Variants in IL23R observed in about 807,000 individuals in gnomAD.
IL23R encodes the protein interleukin 23 receptor.
IL23R carries 34 observed loss-of-function variants against 56.9 expected under a neutral mutation model. The observed-to-expected ratio is 0.60, with a 90% CI of 0.45 to 0.80. IL23R has a LOEUF of 0.80. Among genes scored for constraint, IL23R ranks in the 30% least tolerant of loss-of-function variants. IL23R has a pLI of 0.00. For missense variants in IL23R, 635 were observed against 730.0 expected, an observed-to-expected ratio of 0.87 and a Z score of 1.50; for synonymous variants, 230 against 249.2, an observed-to-expected ratio of 0.92 and a Z score of 0.73.
intron 10 of IL23R, among the ~76,000 whole-genome samples, chr1:67,257,770 C>T (rs981280008): frequency 6.6e-6 from 1 of 152,184 alleles, no homozygotes; most frequent in Non-Finnish European, 1.5e-5. Flanking sequence ...GTGGCATGAT[C>T]TCAGCTCACT....
intron 8 of IL23R, 92 bp from the exon 9 acceptor site, chr1:67,240,087 C>G: frequency 3.2e-6 from 3 of 929,878 alleles, no homozygotes; most frequent in South Asian, 1.3e-5. Flanking sequence ...TCCTTTGAGA[C>G]CTTTGCTTTG....
intron 4 of IL23R, among the ~76,000 whole-genome samples, chr1:67,195,967 G>C (rs1648116484): frequency 6.6e-6 from 1 of 152,070 alleles, no homozygotes; most frequent in Non-Finnish European, 1.5e-5. Flanking sequence ...GGATATTTTG[G>C]GGCTAGAAAA....
In IL23R at chr1:67,201,573, A is replaced by C. The variant is rs565591438; in HGVS notation, c.652+676A>C. ...AGGCAAAAAAAAAAAAAACAAAAAAACACTATGATCATGATAAAGTTTGTT... is the reference window on the plus strand; with the variant it reads ...AGGCAAAAAAAAAAAAAACAAAAAACCACTATGATCATGATAAAGTTTGTT... On this transcript the variant is annotated intron_variant, in intron 5 of 10. Transcript: ENST00000347310. Among the ~76,000 whole-genome samples, 7 of 151,918 alleles carry C rather than the reference A, an allele frequency of 4.6e-5. No homozygotes were observed. In the South Asian group the frequency reaches 1.5e-3, roughly 32 times the overall value.
At chr1:67,150,150 T>TCAC (rs1646714964) in intron 1 of IL23R, among the ~76,000 whole-genome samples, 1 of 151,908 alleles carries the variant, frequency 6.6e-6, no homozygotes, top group Admixed American at 6.6e-5. Context: ...ATGCAGGTGA[T>TCAC]ACTCAAATTT....
intron 4 of IL23R, among the ~76,000 whole-genome samples, chr1:67,188,718 G>A (rs1647529395): frequency 6.6e-6 from 1 of 152,154 alleles, no homozygotes; most frequent in South Asian, 2.1e-4. Flanking sequence ...AACAGATTTT[G>A]AAGGTCTGTT....
At chr1:67,245,127 G>A (rs561746829) in intron 9 of IL23R, among the ~76,000 whole-genome samples, 109 of 152,246 alleles carry the variant, frequency 7.2e-4, no homozygotes, top group Middle Eastern at 6.8e-3. Context: ...TGTTATTGGC[G>A]TATAGGAATG....
intron 3 of IL23R, among the ~76,000 whole-genome samples, chr1:67,175,651 C>G (rs571978400): frequency 6.6e-6 from 1 of 152,228 alleles, no homozygotes; most frequent in South Asian, 2.1e-4. Flanking sequence ...CACATTGTAG[C>G]ATGTGTTAAA....
In IL23R at chr1:67,246,320, T is replaced by A. The variant is rs536111288; in HGVS notation, c.1148+6039T>A. ...TCATGTCTCTGTCTCCTTCAGTGCT[T>A]CTCTGATCTTAGTTACTTCTTGTCT... On this transcript the variant is annotated intron_variant, in intron 9 of 10. Coordinates refer to ENST00000347310, the MANE Select transcript of IL23R (RefSeq NM_144701.3). Among the ~76,000 whole-genome samples, 6 of 152,142 alleles carry A rather than the reference T, an allele frequency of 3.9e-5. No homozygotes were observed. The East Asian group carries it at 1.2e-3, about 29-fold the overall frequency.
At chr1:67,216,463 C>T (rs1480483468) in intron 6 of IL23R, among the ~76,000 whole-genome samples, 1 of 152,278 alleles carries the variant, frequency 6.6e-6, no homozygotes, top group East Asian at 1.9e-4. Context: ...ACCAGGGTCT[C>T]AGCAAACTTT....
At chr1:67,153,110 C>T (rs1446822658) in intron 1 of IL23R, among the ~76,000 whole-genome samples, 2 of 152,134 alleles carry the variant, frequency 1.3e-5, no homozygotes, top group Non-Finnish European at 2.9e-5. Context: ...CTATTAGTTA[C>T]TGCCTCAATT....
At chr1:67,180,123 G>A (rs9681329) in intron 3 of IL23R, among the ~76,000 whole-genome samples, 1 of 152,178 alleles carries the variant, frequency 6.6e-6, no homozygotes, top group African/African-American at 2.4e-5. Flanking sequence ...TTCTGTAGAT[G>A]TCTATTAGGT....
intron 6 of IL23R, among the ~76,000 whole-genome samples, chr1:67,213,252 G>A (rs1205091229): frequency 6.6e-6 from 1 of 152,168 alleles, no homozygotes; most frequent in Non-Finnish European, 1.5e-5. Flanking sequence ...TATATCATGT[G>A]TTTGTTGTGG....
At chr1:67,217,741 G>A (rs1649940217) in intron 6 of IL23R, among the ~76,000 whole-genome samples, 1 of 149,316 alleles carries the variant, frequency 6.7e-6, no homozygotes, top group Non-Finnish European at 1.5e-5. Flanking sequence ...GTTTCCATAA[G>A]CCATGTCTCA....
chr1:67,206,884 C>CTTTTT lies in IL23R; in HGVS notation c.653-9_653-5dup, dbSNP rs557919248. The CTTTTT allele has an allele frequency of 4.6e-4, 543 of 1,190,458 alleles. 15 individuals carry two copies. Among genetic ancestry groups the CTTTTT allele is most frequent in the South Asian group, 1.4e-3 (83 of 59,142 alleles). 73.7% of individuals were successfully genotyped at this position (1,190,458 alleles called of 1,614,324 possible). On this transcript the variant is annotated intron_variant, in intron 5 of 10. Coordinates refer to ENST00000347310, the MANE Select transcript of IL23R (RefSeq NM_144701.3). ...CTAGGCAAGTTTTAAACAGCCAGGT[C>CTTTTT]TTTTTTTTTTTTTTTTTTTTTCTAG...
At chr1:67,222,589 T>C (rs1447605454) in intron 7 of IL23R, among the ~76,000 whole-genome samples, 1 of 152,220 alleles carries the variant, frequency 6.6e-6, no homozygotes, top group African/African-American at 2.4e-5. Context: ...CTAGCAAGAT[T>C]ATGCAAATTG....
At position 67,206,884 on chromosome 1, in the gene IL23R, C is replaced by CTTTTTTTTTTTTTT. The variant is rs557919248; in HGVS notation, c.653-18_653-5dup. The CTTTTTTTTTTTTTT allele has an allele frequency of 2.9e-5, 34 of 1,190,690 alleles. 2 individuals are homozygous for CTTTTTTTTTTTTTT. The highest frequency in any genetic ancestry group is 8.3e-5 in the African/African-American group (4 of 48,412). The allele number at this position is 1,190,690 out of a possible 1,614,324, so 73.8% of individuals were successfully genotyped here. Reference sequence around the variant, plus strand: ...CTAGGCAAGTTTTAAACAGCCAGGTCTTTTTTTTTTTTTTTTTTTTTCTAG... The same window carrying CTTTTTTTTTTTTTT: ...CTAGGCAAGTTTTAAACAGCCAGGTCTTTTTTTTTTTTTTTTTTTTTTTTTTTTTTTTTTTCTAG... On this transcript the variant is annotated intron_variant, in intron 5 of 10. Coordinates refer to ENST00000347310, the MANE Select transcript of IL23R (RefSeq NM_144701.3).
intron 7 of IL23R, among the ~76,000 whole-genome samples, chr1:67,228,466 G>A (rs1264634706): frequency 6.9e-6 from 1 of 144,734 alleles, no homozygotes; most frequent in African/African-American, 2.5e-5. Context: ...CCAAAGTGCT[G>A]GGCTTACAGG....
At chr1:67,212,101 C>T (rs1649517744) in intron 6 of IL23R, among the ~76,000 whole-genome samples, 2 of 47,434 alleles carry the variant, frequency 4.2e-5, no homozygotes, top group Admixed American at 4.2e-4. Flanking sequence ...AATCCAAAGC[C>T]ACTTCTGTCT....
At chr1:67,201,565 A>C (rs915900850) in intron 5 of IL23R, among the ~76,000 whole-genome samples, 8 of 151,506 alleles carry the variant, frequency 5.3e-5, no homozygotes, top group Non-Finnish European at 1.0e-4. Flanking sequence ...AAAAAAAAAA[A>C]CAAAAAAACA....
Sources: allele counts gnomAD v4.1 joint callset (sites outside exome capture counted in the v4.1 genomes callset), GRCh38; gene constraint gnomAD v4.1.1; transcripts MANE v1.5; gene names NCBI Gene and HGNC (gene_info 2026-07-23, HGNC 2026-07-21).